The following NOC3L variants were observed in gnomAD, a reference collection of about 807,000 sequenced individuals.
NOC3L encodes NOC3 like DNA replication regulator.
In NOC3L, 85 loss-of-function variants were observed where a neutral mutation model predicts 102.5. That is an observed-to-expected ratio of 0.83 (90% CI 0.70 to 0.99). The LOEUF is 0.99. NOC3L is among the 50% of genes least tolerant of loss of function. The pLI, the probability that NOC3L is intolerant of heterozygous loss-of-function variation, is 0.00. For missense variants in NOC3L, 878 were observed against 914.9 expected, an observed-to-expected ratio of 0.96 and a Z score of 0.52; for synonymous variants, 303 against 309.4, an observed-to-expected ratio of 0.98 and a Z score of 0.22.
chr10:94,341,528 T>C, intron 14 of NOC3L, 145 bp downstream of exon 14: 1 of 399,506 alleles, frequency 2.5e-6, no homozygotes, highest in Non-Finnish European at 4.5e-6. Context: ...GGTAATCATA[T>C]GATCATAGGC....
chr10:94,346,894 G>A (rs902052256), intron 10 of NOC3L, among the ~76,000 whole-genome samples: 4 of 152,186 alleles, frequency 2.6e-5, no homozygotes, highest in Admixed American at 2.0e-4. Flanking sequence ...ACCAGTATGG[G>A]AGAAGATACA....
the NOC3L span, chr10:94,316,810 A>G: frequency 7.6e-7 from 1 of 1,311,378 alleles, no homozygotes; most frequent in South Asian, 1.2e-5. Flanking sequence ...GTGATTAGCC[A>G]TTTACCACTC....
chr10:94,347,087 C>T (rs182829292), intron 10 of NOC3L, among the ~76,000 whole-genome samples: 1 of 152,288 alleles, frequency 6.6e-6, no homozygotes, highest in Admixed American at 6.5e-5. Flanking sequence ...CAGCAAACTT[C>T]GCATACTCAA....
intron 19 of NOC3L, among the ~76,000 whole-genome samples, chr10:94,337,177 C>G (rs1217885638): frequency 6.6e-6 from 1 of 152,046 alleles, no homozygotes; most frequent in African/African-American, 2.4e-5. Flanking sequence ...GACCTTTTCC[C>G]CATCTGGGTG....
intron 18 of NOC3L, 108 bp downstream of exon 18, chr10:94,338,487 AAAGGCAGCCCCAG>A: frequency 3.5e-6 from 4 of 1,144,908 alleles, no homozygotes; most frequent in Non-Finnish European, 4.7e-6. Context: ...GAATTCTAAA[AAAGGCAGCCCCAG>A]AACAAAATAT....
At position 94,351,031 on chromosome 10, in the gene NOC3L, T is replaced by C. The variant is rs57472550; in HGVS notation, c.953-743A>G. Reference sequence around the variant, plus strand: ...ATTAATTTCATTGCTTTTTAGTGTGTCTGCATTTTTTTTAAATGACATATG... The same window carrying C: ...ATTAATTTCATTGCTTTTTAGTGTGCCTGCATTTTTTTTAAATGACATATG... On this transcript the variant is annotated intron_variant, in intron 8 of 20. Transcript: ENST00000371361. Among the ~76,000 whole-genome samples, 1,060 of 152,276 alleles carry C rather than the reference T, an allele frequency of 7.0e-3. 17 individuals carry two copies. The highest frequency in any genetic ancestry group is 0.025 in the African/African-American group (1,021 of 41,558).
At chr10:94,334,768 T>C (rs746849147) in intron 19 of NOC3L, 50 bp from the exon 20 acceptor site, 2 of 1,229,816 alleles carry the variant, frequency 1.6e-6, no homozygotes, top group Non-Finnish European at 1.2e-6. Flanking sequence ...TCTGTGTAAC[T>C]CAAAAATAAT....
At chr10:94,359,371 A>C (rs1278804353) in intron 2 of NOC3L, among the ~76,000 whole-genome samples, 3 of 151,938 alleles carry the variant, frequency 2.0e-5, no homozygotes, top group Non-Finnish European at 4.4e-5. Flanking sequence ...GATTGCAATG[A>C]GCAGAGCAGA....
downstream of NOC3L, chr10:94,328,590 A>T (rs1352446757): frequency 6.6e-6 from 1 of 152,290 alleles, no homozygotes; most frequent in Non-Finnish European, 1.5e-5. Context: ...AGATCTGAAA[A>T]CAGGAAAGGA....
chr10:94,315,889 A>G, the NOC3L span, among the ~76,000 whole-genome samples: 1 of 151,964 alleles, frequency 6.6e-6, no homozygotes. Flanking sequence ...TACTATTTCC[A>G]TTGTGTAGAT....
At chr10:94,340,557 A>T (rs1160341193) in intron 14 of NOC3L, 61 bp from the exon 15 acceptor site, 7 of 1,434,520 alleles carry the variant, frequency 4.9e-6, no homozygotes, top group Non-Finnish European at 6.7e-6. Flanking sequence ...ATTGCCATTT[A>T]TAGCTTTAAA....
intron 6 of NOC3L, among the ~76,000 whole-genome samples, chr10:94,353,336 G>A (rs1269580205): frequency 6.6e-6 from 1 of 152,224 alleles, no homozygotes; most frequent in Non-Finnish European, 1.5e-5. Context: ...TAGTTCTGCA[G>A]GCTGTAGAGG....
At chr10:94,326,943 G>A in the NOC3L span, among the ~76,000 whole-genome samples, 1 of 151,070 alleles carries the variant, frequency 6.6e-6, no homozygotes, top group East Asian at 2.0e-4. Flanking sequence ...GGCAGATCAC[G>A]AGGTCAAGAG....
chr10:94,350,703 C>G (rs2054404589), intron 8 of NOC3L, among the ~76,000 whole-genome samples: 1 of 126,190 alleles, frequency 7.9e-6, no homozygotes, highest in East Asian at 2.2e-4. Context: ...GGCGACAGAG[C>G]AAGACATCGT....
At chr10:94,319,294 A>G in the NOC3L span, among the ~76,000 whole-genome samples, 1 of 152,252 alleles carries the variant, frequency 6.6e-6, no homozygotes, top group African/African-American at 2.4e-5. Context: ...TACCTGGTGC[A>G]TAGTGATACC....
chr10:94,334,044 T>G lies in NOC3L; in HGVS notation c.*133A>C, dbSNP rs1204873713. ...AACCCTGTGCCATGCAAAGGGTCAT[T>G]CTTCCTCTTCTTCCTAGACATTCTT... On this transcript the variant is annotated 3_prime_UTR_variant, in exon 21 of 21. Coordinates refer to ENST00000371361, the MANE Select transcript of NOC3L (RefSeq NM_022451.11). The G allele has an allele frequency of 8.7e-6, 5 of 577,900 alleles. No individual in the cohort carries two copies. The African/African-American group carries it at 9.4e-5, about 11-fold the overall frequency. 35.8% of individuals were successfully genotyped at this position (577,900 alleles called of 1,614,324 possible).
chr10:94,337,001 G>A (rs765223009), intron 19 of NOC3L, among the ~76,000 whole-genome samples: 9 of 151,238 alleles, frequency 6.0e-5, no homozygotes, highest in African/African-American at 1.2e-4. Context: ...CCCGGGAGGC[G>A]GAGGTTGCAG....
chr10:94,330,548 T>A (rs968397784), downstream of NOC3L: 1 of 151,678 alleles, frequency 6.6e-6, no homozygotes, highest in Non-Finnish European at 1.5e-5. Flanking sequence ...ATACAAAAAT[T>A]AGTGGTGGTG....
chr10:94,333,994 A>G lies in NOC3L; in HGVS notation c.*183T>C, dbSNP rs2054188578. The G allele has an allele frequency of 1.0e-5, 4 of 391,108 alleles. No homozygotes were observed. The Admixed American group carries it at 1.8e-4, about 17-fold the overall frequency. The allele number at this position is 391,108 out of a possible 1,614,324, so 24.2% of individuals were successfully genotyped here. On this transcript the variant is annotated 3_prime_UTR_variant, in exon 21 of 21. Transcript: ENST00000371361. The stretch of plus-strand genomic sequence containing the variant: ...AAAAGGCTTTTGATCTCCTTGATGG[A>G]ATGACATATTCAGAATAGGGGCAGA...
Sources: gnomAD v4.1 joint callset for allele counts (sites outside exome capture counted in the v4.1 genomes callset) on GRCh38, gnomAD v4.1.1 for gene constraint, MANE v1.5 for transcripts, NCBI Gene and HGNC (gene_info 2026-07-23, HGNC 2026-07-21) for gene names.